Variants in FBXL17 observed in about 807,000 individuals in gnomAD.
FBXL17 encodes the protein F-box and leucine rich repeat protein 17, also known as F-box/LRR-repeat protein 17.
In FBXL17, 22 loss-of-function variants were observed where a neutral mutation model predicts 66.2. That is an observed-to-expected ratio of 0.33 (90% CI 0.24 to 0.47). The LOEUF (loss-of-function observed/expected upper bound fraction) is 0.47, where lower values mean the gene tolerates loss of function less well. Ranked by LOEUF, FBXL17 falls within the 20% of genes least tolerant of loss-of-function variation. The pLI, the probability that FBXL17 is intolerant of heterozygous loss-of-function variation, is 1.00. For missense variants in FBXL17, 878 were observed against 948.2 expected (o/e 0.93, Z 0.97); for synonymous variants, 474 against 400.5 (o/e 1.18, Z -2.19).
At chr5:107,996,085 T>C (rs577461608) in intron 7 of FBXL17, among the ~76,000 whole-genome samples, 1 of 152,222 alleles carries the variant, frequency 6.6e-6, no homozygotes, top group South Asian at 2.1e-4. Context: ...TTGGACCATG[T>C]CTAAATGCTC....
At chr5:108,333,317 T>C (rs982614270) in intron 4 of FBXL17, among the ~76,000 whole-genome samples, 5 of 152,014 alleles carry the variant, frequency 3.3e-5, no homozygotes, top group African/African-American at 7.2e-5. Context: ...AGGAAGAAGA[T>C]GTAAGGTTAC....
At chr5:108,020,896 A>G in intron 7 of FBXL17, 29 bp downstream of exon 7, 1 of 1,471,464 alleles carries the variant, frequency 6.8e-7, no homozygotes, top group Non-Finnish European at 9.5e-7. Context: ...TATTCTTAGA[A>G]AGGATTAGGA....
At chr5:108,246,852 A>G (rs558979900) in intron 4 of FBXL17, among the ~76,000 whole-genome samples, 1 of 152,352 alleles carries the variant, frequency 6.6e-6, no homozygotes, top group South Asian at 2.1e-4. Flanking sequence ...ATCATCAAGA[A>G]AAGCATATAT....
intron 7 of FBXL17, among the ~76,000 whole-genome samples, chr5:107,905,637 A>G (rs1414448636): frequency 6.6e-6 from 1 of 152,198 alleles, no homozygotes; most frequent in Non-Finnish European, 1.5e-5. Flanking sequence ...TTCTGAGCAT[A>G]CATATGATCA....
At chr5:108,156,291 CAT>C (rs548879466) in intron 6 of FBXL17, among the ~76,000 whole-genome samples, 2 of 150,538 alleles carry the variant, frequency 1.3e-5, no homozygotes. Flanking sequence ...GTTCAGTATA[CAT>C]ATATATATAT....
chr5:108,304,569 C>A (rs1223234095), intron 4 of FBXL17, among the ~76,000 whole-genome samples: 1 of 151,826 alleles, frequency 6.6e-6, no homozygotes, highest in East Asian at 1.9e-4. Context: ...AATAAATACA[C>A]CTATTTGCTT....
intron 6 of FBXL17, among the ~76,000 whole-genome samples, chr5:108,162,273 G>A (rs969003395): frequency 6.6e-6 from 1 of 152,128 alleles, no homozygotes; most frequent in Admixed American, 6.5e-5. Context: ...AGAGGCAGGA[G>A]GATTGCTTGA....
At chr5:107,992,823 C>T (rs975562545) in intron 7 of FBXL17, among the ~76,000 whole-genome samples, 3 of 152,170 alleles carry the variant, frequency 2.0e-5, no homozygotes, top group African/African-American at 7.2e-5. Flanking sequence ...TACCAAATAG[C>T]ATGTCCTATC....
chr5:107,980,600 T>C (rs1392903723), intron 7 of FBXL17, among the ~76,000 whole-genome samples: 1 of 141,812 alleles, frequency 7.1e-6, no homozygotes, highest in East Asian at 2.1e-4. Context: ...CTTCCCAAAG[T>C]GCTGAGATTA....
intron 6 of FBXL17, among the ~76,000 whole-genome samples, chr5:108,097,633 A>C (rs1749427906): frequency 6.6e-6 from 1 of 152,062 alleles, no homozygotes; most frequent in Non-Finnish European, 1.5e-5. Flanking sequence ...TACTAAAAAC[A>C]CAAAAATTAG....
intron 7 of FBXL17, among the ~76,000 whole-genome samples, chr5:107,896,482 CTG>C (rs1435582668): frequency 6.6e-6 from 1 of 152,168 alleles, no homozygotes; most frequent in African/African-American, 2.4e-5. Context: ...ACTTAAAATA[CTG>C]TGTGACACTA....
intron 6 of FBXL17, among the ~76,000 whole-genome samples, chr5:108,107,197 G>A (rs536872008): frequency 1.1e-3 from 174 of 152,034 alleles, no homozygotes; most frequent in Middle Eastern, 6.8e-3. Context: ...TCAGCCTCCC[G>A]AGTAGCTGGG....
At chr5:108,245,278 T>C (rs1199143229) in intron 4 of FBXL17, among the ~76,000 whole-genome samples, 1 of 152,104 alleles carries the variant, frequency 6.6e-6, no homozygotes, top group Non-Finnish European at 1.5e-5. Flanking sequence ...TTTAATATTT[T>C]AACAGGAGAA....
chr5:108,127,434 T>C (rs1750765716), intron 6 of FBXL17, among the ~76,000 whole-genome samples: 1 of 152,208 alleles, frequency 6.6e-6, no homozygotes, highest in African/African-American at 2.4e-5. Context: ...AAATTACCAT[T>C]AGTGCTCTTC....
At chr5:108,269,487 T>C (rs1301325666) in intron 4 of FBXL17, among the ~76,000 whole-genome samples, 1 of 152,092 alleles carries the variant, frequency 6.6e-6, no homozygotes, top group East Asian at 1.9e-4. Context: ...TCAAATTTGG[T>C]TATATTGGAT....
At chr5:107,957,458 C>T (rs993635414) in intron 7 of FBXL17, among the ~76,000 whole-genome samples, 1 of 152,018 alleles carries the variant, frequency 6.6e-6, no homozygotes, top group Non-Finnish European at 1.5e-5. Flanking sequence ...AGCTTTAATT[C>T]TTATTTAGAA....
intron 4 of FBXL17, among the ~76,000 whole-genome samples, chr5:108,310,677 T>C (rs1356280257): frequency 2.0e-5 from 3 of 152,316 alleles, no homozygotes; most frequent in Non-Finnish European, 2.9e-5. Flanking sequence ...ATTAAGATTA[T>C]GTATGTTAGG....
chr5:107,865,253 A>G (rs1748240116), intron 8 of FBXL17, among the ~76,000 whole-genome samples: 1 of 152,264 alleles, frequency 6.6e-6, no homozygotes, highest in African/African-American at 2.4e-5. Context: ...AGGGCCAATT[A>G]ATTTAAAAAT....
chr5:108,195,599 A>G (rs1753646899), intron 5 of FBXL17, among the ~76,000 whole-genome samples: 1 of 152,152 alleles, frequency 6.6e-6, no homozygotes, highest in Non-Finnish European at 1.5e-5. Flanking sequence ...ACAGGAGTGT[A>G]CTATGTTCTA....
Sources: gnomAD v4.1 joint callset for allele counts (sites outside exome capture counted in the v4.1 genomes callset) on GRCh38, gnomAD v4.1.1 for gene constraint, MANE v1.5 for transcripts, NCBI Gene and HGNC (gene_info 2026-07-23, HGNC 2026-07-21) for gene names.